Variants in RBFOX2 observed in about 807,000 individuals in gnomAD.
The protein encoded by RBFOX2 is RNA binding fox-1 homolog 2, also known as RNA binding protein fox-1 homolog 2.
RBFOX2 carries 10 observed loss-of-function variants against 49.1 expected under a neutral mutation model. The ratio of observed to expected loss-of-function variants is 0.20; its 90% confidence interval spans 0.13 to 0.35. RBFOX2 has a LOEUF of 0.35. RBFOX2 is among the 10% of genes least tolerant of loss of function. The pLI, the probability that RBFOX2 is intolerant of heterozygous loss-of-function variation, is 1.00. For missense variants in RBFOX2, 323 were observed against 486.9 expected (o/e 0.66, Z 3.17); for synonymous variants, 183 against 187.4 (o/e 0.98, Z 0.19).
At chr22:35,875,664 G>A (rs2044975971) in intron 1 of RBFOX2, among the ~76,000 whole-genome samples, 2 of 120,082 alleles carry the variant, frequency 1.7e-5, no homozygotes, top group South Asian at 5.3e-4. Context: ...GTGTGTGTGT[G>A]TGTCTTGTAG....
At chr22:35,775,138 A>C (rs1199579916) in intron 4 of RBFOX2, among the ~76,000 whole-genome samples, 3 of 152,226 alleles carry the variant, frequency 2.0e-5, no homozygotes, top group Non-Finnish European at 4.4e-5. Context: ...TTCACAAAAC[A>C]AAAAGTGCTC....
chr22:35,802,303 C>T (rs78036802), intron 2 of RBFOX2, among the ~76,000 whole-genome samples: 2,813 of 152,206 alleles, frequency 0.018, 26 homozygotes, highest in Non-Finnish European at 0.028. Context: ...AAATGCCATG[C>T]AATGATTCAG....
intron 1 of RBFOX2, among the ~76,000 whole-genome samples, chr22:35,924,378 T>C (rs1187257917): frequency 2.0e-5 from 3 of 152,228 alleles, no homozygotes; most frequent in Admixed American, 1.3e-4. Flanking sequence ...AAGATCCTAA[T>C]GTAGTAATAG....
At chr22:35,915,095 G>A (rs1005625924) in intron 1 of RBFOX2, among the ~76,000 whole-genome samples, 10 of 152,060 alleles carry the variant, frequency 6.6e-5, no homozygotes, top group African/African-American at 2.2e-4. Flanking sequence ...CATTTTACTC[G>A]AACTCTGCCA....
chr22:35,789,549 A>G (rs1482146924), intron 2 of RBFOX2, among the ~76,000 whole-genome samples: 2 of 152,216 alleles, frequency 1.3e-5, no homozygotes, highest in Non-Finnish European at 2.9e-5. Flanking sequence ...TCTCAAAAAA[A>G]AAGAAAAAGA....
chr22:35,931,397 A>G (rs958373106), intron 1 of RBFOX2, among the ~76,000 whole-genome samples: 1 of 152,068 alleles, frequency 6.6e-6, no homozygotes, highest in Non-Finnish European at 1.5e-5. Context: ...TTACTTCTGA[A>G]CCATTTTAAT....
intron 2 of RBFOX2, among the ~76,000 whole-genome samples, chr22:35,786,075 C>T (rs940416620): frequency 6.6e-6 from 1 of 152,162 alleles, no homozygotes; most frequent in African/African-American, 2.4e-5. Flanking sequence ...AGACTGATTC[C>T]ACAAACTCCA....
intron 2 of RBFOX2, among the ~76,000 whole-genome samples, chr22:35,787,834 A>C (rs1479809753): frequency 6.6e-6 from 1 of 152,164 alleles, no homozygotes; most frequent in African/African-American, 2.4e-5. Context: ...ATCCGACCTA[A>C]CGTATCCACT....
chr22:35,828,801 C>G (rs1429554587), intron 1 of RBFOX2, among the ~76,000 whole-genome samples: 1 of 152,164 alleles, frequency 6.6e-6, no homozygotes, highest in Non-Finnish European at 1.5e-5. Context: ...CCTGTAATCC[C>G]AGCACTTTGG....
intron 1 of RBFOX2, among the ~76,000 whole-genome samples, chr22:35,820,479 T>C (rs544168864): frequency 1.4e-4 from 21 of 152,314 alleles, no homozygotes; most frequent in South Asian, 8.3e-4. Flanking sequence ...TACTCCTCTC[T>C]AGAGGTTTCT....
At chr22:35,903,420 C>T (rs1270438331) in intron 1 of RBFOX2, among the ~76,000 whole-genome samples, 5 of 152,102 alleles carry the variant, frequency 3.3e-5, no homozygotes, top group African/African-American at 9.7e-5. Context: ...GCTTCTCCCT[C>T]GACAGACCTC....
At chr22:35,780,537 CAGG>C (rs1409101818) in intron 3 of RBFOX2, among the ~76,000 whole-genome samples, 2 of 152,040 alleles carry the variant, frequency 1.3e-5, no homozygotes, top group East Asian at 3.9e-4. Flanking sequence ...GATGGTGATT[CAGG>C]AGGAAATAAA....
At chr22:35,901,465 A>G (rs1293742613) in intron 1 of RBFOX2, among the ~76,000 whole-genome samples, 1 of 152,042 alleles carries the variant, frequency 6.6e-6, no homozygotes, top group Non-Finnish European at 1.5e-5. Context: ...CCTGGGCAAC[A>G]TAGTAAAACT....
intron 1 of RBFOX2, among the ~76,000 whole-genome samples, chr22:36,002,595 T>C (rs1457644675): frequency 6.6e-6 from 1 of 152,258 alleles, no homozygotes; most frequent in Non-Finnish European, 1.5e-5. Context: ...CTAATGCTTC[T>C]ATCACACCAA....
intron 1 of RBFOX2, among the ~76,000 whole-genome samples, chr22:36,006,402 T>C (rs1209285434): frequency 2.0e-5 from 3 of 152,216 alleles, no homozygotes; most frequent in African/African-American, 7.2e-5. Context: ...AATAAGATAG[T>C]CTGCTGGAAG....
intron 1 of RBFOX2, among the ~76,000 whole-genome samples, chr22:35,933,937 T>TAC (rs1435802218): frequency 8.4e-6 from 1 of 119,264 alleles, no homozygotes; most frequent in Non-Finnish European, 1.8e-5. Flanking sequence ...TATATATATA[T>TAC]ATATATATAT....
intron 1 of RBFOX2, among the ~76,000 whole-genome samples, chr22:35,812,524 C>T (rs1952106393): frequency 6.6e-6 from 1 of 152,102 alleles, no homozygotes; most frequent in Admixed American, 6.5e-5. Context: ...CCATATGAAA[C>T]ATACTGCTTC....
intron 1 of RBFOX2, among the ~76,000 whole-genome samples, chr22:36,005,627 T>C (rs59764582): frequency 1.3e-3 from 202 of 152,324 alleles, no homozygotes; most frequent in African/African-American, 4.7e-3. Context: ...CCTAGTGCCT[T>C]CCACAGGTAC....
At chr22:35,812,443 G>A (rs774882172) in intron 1 of RBFOX2, among the ~76,000 whole-genome samples, 4 of 151,996 alleles carry the variant, frequency 2.6e-5, no homozygotes, top group Admixed American at 6.6e-5. Context: ...GGCATCTGAC[G>A]AGAGATATAA....
Sources: gnomAD v4.1 joint callset for allele counts (sites outside exome capture counted in the v4.1 genomes callset) on GRCh38, gnomAD v4.1.1 for gene constraint, MANE v1.5 for transcripts, NCBI Gene and HGNC (gene_info 2026-07-23, HGNC 2026-07-21) for gene names.